Variants in KLF8 observed in about 807,000 individuals in gnomAD.
KLF8 encodes Krueppel-like factor 8.
KLF8 carries 10 observed loss-of-function variants against 18.2 expected under a neutral mutation model. The ratio of observed to expected loss-of-function variants is 0.55; its 90% CI spans 0.34 to 0.93. The LOEUF (loss-of-function observed/expected upper bound fraction) is 0.93. Among genes scored for constraint, KLF8 ranks in the 40% least tolerant of loss-of-function variants. KLF8 has a pLI of 0.02. For missense variants in KLF8, 264 were observed against 277.9 expected (o/e 0.95, Z 0.36); for synonymous variants, 109 against 97.3 (o/e 1.12, Z -0.71).
the KLF8 span, among the ~76,000 whole-genome samples, chrX:56,173,087 G>C: frequency 9.0e-6 from 1 of 111,542 alleles, no homozygotes; most frequent in Non-Finnish European, 1.9e-5. Context: ...TTGCTGTGTA[G>C]AAGCTCTTGA....
intron 2 of KLF8, among the ~76,000 whole-genome samples, chrX:56,251,187 G>A (rs1177160761): frequency 8.9e-6 from 1 of 112,014 alleles, no homozygotes; most frequent in African/African-American, 3.2e-5. Flanking sequence ...TTCGAAACAG[G>A]TTATCTGGAT....
chrX:56,034,748 C>CTTT, the KLF8 span, among the ~76,000 whole-genome samples: 1,208 of 53,696 alleles, frequency 0.022, 29 homozygotes, highest in Middle Eastern at 0.043. Context: ...GAACTTATTT[C>CTTT]TTTTTTTTTT....
At chrX:56,018,815 G>A in the KLF8 span, among the ~76,000 whole-genome samples, 1 of 110,906 alleles carries the variant, frequency 9.0e-6, no homozygotes, top group African/African-American at 3.3e-5. Flanking sequence ...TAAAACAAAT[G>A]AGAGAGTAAG....
At chrX:56,272,893 C>A (rs1000285223) in intron 5 of KLF8, among the ~76,000 whole-genome samples, 1 of 110,952 alleles carries the variant, frequency 9.0e-6, no homozygotes, top group African/African-American at 3.3e-5. Flanking sequence ...ATAGAGTATC[C>A]TAAAAGGCCC....
the KLF8 span, chrX:56,074,504 T>C: frequency 1.8e-5 from 2 of 112,098 alleles, no homozygotes; most frequent in Non-Finnish European, 3.8e-5. Context: ...TTTTTTAATA[T>C]GGAAGTCCAG....
At chrX:56,247,652 T>A (rs969401591) in intron 1 of KLF8, among the ~76,000 whole-genome samples, 1 of 110,293 alleles carries the variant, frequency 9.1e-6, no homozygotes, top group Non-Finnish European at 1.9e-5. Context: ...CAAAGACACA[T>A]CAGCCTAGGC....
the KLF8 span, among the ~76,000 whole-genome samples, chrX:56,220,461 G>A: frequency 9.2e-6 from 1 of 109,137 alleles, no homozygotes; most frequent in Non-Finnish European, 1.9e-5. Flanking sequence ...TTTGTTTTTC[G>A]TGGGTTTTTT....
the KLF8 span, among the ~76,000 whole-genome samples, chrX:56,221,574 C>T: frequency 9.0e-6 from 1 of 111,136 alleles, no homozygotes; most frequent in Non-Finnish European, 1.9e-5. Flanking sequence ...TTCGGAGTTT[C>T]TTCCTTCTGG....
the KLF8 span, among the ~76,000 whole-genome samples, chrX:56,096,849 C>G: frequency 9.0e-6 from 1 of 110,670 alleles, no homozygotes; most frequent in Non-Finnish European, 1.9e-5. Context: ...CAGTAATTTA[C>G]TGAATTTGAG....
rs1271495597 is a variant in KLF8 at position 56,290,633 on chromosome X, A to T, written c.*6139A>T. 1.8e-5 allele frequency among the ~76,000 whole-genome samples: 2 copies of T among 111,487 alleles called. No individual in the cohort carries two copies. Among genetic ancestry groups the T allele is most frequent in the Non-Finnish European group, 3.8e-5 (2 of 53,079 alleles). ...CTGCTTGGACCACATTCCATGTCAC[A>T]TTCTCAGAAGCACAAAGGCAATTTT... On this transcript the variant is annotated 3_prime_UTR_variant, in exon 6 of 6. Coordinates refer to ENST00000468660, the MANE Select transcript of KLF8 (RefSeq NM_007250.5).
At chrX:56,157,497 G>A in the KLF8 span, among the ~76,000 whole-genome samples, 1 of 111,255 alleles carries the variant, frequency 9.0e-6, no homozygotes, top group Non-Finnish European at 1.9e-5. Flanking sequence ...CTAGTTTACA[G>A]TCCCACCAAC....
At chrX:56,093,414 GTGT>G in the KLF8 span, among the ~76,000 whole-genome samples, 1 of 111,128 alleles carries the variant, frequency 9.0e-6, no homozygotes, top group Non-Finnish European at 1.9e-5. Flanking sequence ...TATTTATAAA[GTGT>G]TGAAGGAAGT....
the KLF8 span, among the ~76,000 whole-genome samples, chrX:56,167,465 C>T: frequency 8.9e-6 from 1 of 111,845 alleles, no homozygotes. Context: ...CTCCAGTACG[C>T]TCTAATCGAA....
chrX:56,141,012 C>T, the KLF8 span, among the ~76,000 whole-genome samples: 1 of 111,587 alleles, frequency 9.0e-6, no homozygotes, highest in East Asian at 2.8e-4. Flanking sequence ...GATGGAGTCT[C>T]ACTGTCACCC....
chrX:56,081,203 T>G, the KLF8 span, among the ~76,000 whole-genome samples: 1 of 111,746 alleles, frequency 8.9e-6, no homozygotes, highest in Non-Finnish European at 1.9e-5. Flanking sequence ...CTGCGTTCCT[T>G]TGGAGGAGGA....
the KLF8 span, among the ~76,000 whole-genome samples, chrX:56,085,473 G>A: frequency 9.0e-6 from 1 of 111,050 alleles, no homozygotes; most frequent in African/African-American, 3.4e-5. Flanking sequence ...AGTAGAGAAA[G>A]CAAATCTTTC....
At chrX:56,213,989 T>A in the KLF8 span, among the ~76,000 whole-genome samples, 8 of 111,404 alleles carry the variant, frequency 7.2e-5, no homozygotes, top group African/African-American at 2.0e-4. Flanking sequence ...AGAAAGGGGA[T>A]GGAGCAGGAA....
the KLF8 span, among the ~76,000 whole-genome samples, chrX:55,990,500 G>A: frequency 4.7e-4 from 53 of 112,257 alleles, no homozygotes; most frequent in African/African-American, 1.6e-3. Context: ...TTTACATGTA[G>A]TTGAGCAGTT....
the KLF8 span, among the ~76,000 whole-genome samples, chrX:56,158,349 C>A: frequency 1.8e-5 from 2 of 111,810 alleles, no homozygotes; most frequent in Non-Finnish European, 3.8e-5. Flanking sequence ...GTTCTTTTGG[C>A]TTAGGATTCA....
Sources: allele counts gnomAD v4.1 joint callset (sites outside exome capture counted in the v4.1 genomes callset), GRCh38; gene constraint gnomAD v4.1.1; transcripts MANE v1.5; gene names NCBI Gene and HGNC (gene_info 2026-07-23, HGNC 2026-07-21).